PPM1E: variants seen among roughly 807,000 people sequenced by gnomAD.
The protein encoded by PPM1E is protein phosphatase, Mg2+/Mn2+ dependent 1E, also known as protein phosphatase 1E.
PPM1E carries 20 observed loss-of-function variants against 65.9 expected under a neutral mutation model. The ratio of observed to expected loss-of-function variants is 0.30; its 90% confidence interval spans 0.21 to 0.44. The LOEUF is 0.44. Among genes scored for constraint, PPM1E ranks in the 20% least tolerant of loss-of-function variants. The probability of loss-of-function intolerance (pLI) is 1.00; values close to 1 mark genes in which losing one functional copy is unlikely to be tolerated. For synonymous variants in PPM1E, 352 were observed against 374.9 expected (o/e 0.94, Z 0.70); for missense variants, 713 against 953.1 (o/e 0.75, Z 3.32).
At chr17:58,765,570 A>G (rs778014089) in intron 1 of PPM1E, among the ~76,000 whole-genome samples, 13 of 152,252 alleles carry the variant, frequency 8.5e-5, no homozygotes, top group Non-Finnish European at 1.8e-4. Flanking sequence ...ATGAAGAGTA[A>G]TGAACTGTTT....
chr17:58,778,186 G>T (rs185208510), intron 1 of PPM1E, among the ~76,000 whole-genome samples: 1 of 151,772 alleles, frequency 6.6e-6, no homozygotes, highest in African/African-American at 2.4e-5. Flanking sequence ...TGCAAACTCC[G>T]CCTGGCAGGT....
chr17:58,773,814 G>A (rs530423493), intron 1 of PPM1E, among the ~76,000 whole-genome samples: 11 of 152,172 alleles, frequency 7.2e-5, no homozygotes, highest in African/African-American at 2.4e-4. Context: ...GCTCCTGCCC[G>A]CGCCTACTGA....
At chr17:58,945,269 C>T (rs980546099) in intron 1 of PPM1E, among the ~76,000 whole-genome samples, 2 of 151,936 alleles carry the variant, frequency 1.3e-5, no homozygotes, top group East Asian at 1.9e-4. Flanking sequence ...CTCAGCCTCC[C>T]GAGTAGCTGG....
At chr17:58,849,754 T>C (rs2050806713) in intron 1 of PPM1E, among the ~76,000 whole-genome samples, 1 of 152,182 alleles carries the variant, frequency 6.6e-6, no homozygotes, top group Non-Finnish European at 1.5e-5. Context: ...TTCTGTTGAT[T>C]TGGGGTGGAG....
intron 1 of PPM1E, among the ~76,000 whole-genome samples, chr17:58,893,877 C>A (rs2051378728): frequency 6.6e-6 from 1 of 152,050 alleles, no homozygotes; most frequent in Non-Finnish European, 1.5e-5. Flanking sequence ...TCAAGACCAG[C>A]TTGGGCAACA....
chr17:58,968,165 G>A lies in PPM1E; in HGVS notation c.784-1374G>A, dbSNP rs1317178234. On this transcript the variant is annotated intron_variant, in intron 3 of 6. Coordinates refer to ENST00000308249, the MANE Select transcript of PPM1E (RefSeq NM_014906.5). ...GTCATTAAAGTTGCTGAAAGAACTA[G>A]TTGTAATGTGTGTGTTAGACAAAGG... 2.0e-5 allele frequency among the ~76,000 whole-genome samples: 3 copies of A among 152,300 alleles called. No homozygotes were observed. In the East Asian group the frequency reaches 5.8e-4, roughly 29 times the overall value.
intron 1 of PPM1E, among the ~76,000 whole-genome samples, chr17:58,882,184 A>AG (rs2051203298): frequency 6.6e-6 from 1 of 152,022 alleles, no homozygotes. Context: ...AGCAAAAAAA[A>AG]GAAAAGAAAG....
At position 58,756,128 on chromosome 17, in the gene PPM1E, A is replaced by AACCC. The variant is rs3834568; in HGVS notation, c.131_132insACCC (p.Ser45ProfsTer9). The AACCC allele has an allele frequency of 1.2e-5, 19 of 1,608,472 alleles. No individual in the cohort carries two copies. The African/African-American group carries it at 2.3e-4, about 19-fold the overall frequency. ...GAACCCGAACCCGAACCCGAACCCGAGTCCGAGCCCGAGCCCGAACCTGAA... is the reference window on the plus strand; with the variant it reads ...GAACCCGAACCCGAACCCGAACCCGAACCCGTCCGAGCCCGAGCCCGAACCTGAA... On this transcript the variant is annotated frameshift_variant, in exon 1 of 7. Transcript: ENST00000308249. LOFTEE classifies it high-confidence loss of function.
At chr17:58,873,520 AAGAC>A (rs2051093942) in intron 1 of PPM1E, among the ~76,000 whole-genome samples, 2 of 151,572 alleles carry the variant, frequency 1.3e-5, no homozygotes, top group East Asian at 3.9e-4. Context: ...TAGAGGTAGC[AAGAC>A]TGAAACTTGA....
intron 1 of PPM1E, among the ~76,000 whole-genome samples, chr17:58,884,313 T>G (rs1445552956): frequency 6.6e-6 from 1 of 152,174 alleles, no homozygotes; most frequent in East Asian, 1.9e-4. Context: ...TTTAGAAAAT[T>G]CTGTGGTATA....
intron 1 of PPM1E, among the ~76,000 whole-genome samples, chr17:58,932,002 G>A (rs760989562): frequency 6.6e-6 from 1 of 152,186 alleles, no homozygotes; most frequent in Non-Finnish European, 1.5e-5. Flanking sequence ...AGGGCTGGGT[G>A]TGGTAGCTCA....
chr17:58,834,929 T>C (rs2050639380), intron 1 of PPM1E, among the ~76,000 whole-genome samples: 1 of 152,172 alleles, frequency 6.6e-6, no homozygotes, highest in African/African-American at 2.4e-5. Context: ...CTGTTAGGAT[T>C]TTTATAGGAA....
chr17:58,929,839 C>A (rs770873440), intron 1 of PPM1E, among the ~76,000 whole-genome samples: 2 of 152,148 alleles, frequency 1.3e-5, no homozygotes, highest in Non-Finnish European at 2.9e-5. Flanking sequence ...AATAGAGATA[C>A]AACTGGGTTT....
intron 1 of PPM1E, among the ~76,000 whole-genome samples, chr17:58,928,507 T>C (rs1380433569): frequency 6.6e-6 from 1 of 151,844 alleles, no homozygotes; most frequent in East Asian, 2.0e-4. Flanking sequence ...CACCAAATAC[T>C]GGTGAAGATG....
At position 58,898,690 on chromosome 17, in the gene PPM1E, C is replaced by A. The variant is rs149082388; in HGVS notation, c.465-56959C>A. 6.5e-3 allele frequency among the ~76,000 whole-genome samples: 984 copies of A among 152,240 alleles called. 6 individuals carry two copies. Among genetic ancestry groups the A allele is most frequent in the African/African-American group, 0.022 (923 of 41,534 alleles). ...ACCCAAAGGATTATAAATCATACTA[C>A]TATAAAGACACATGCACACATATGT... is the stretch of plus-strand genomic sequence containing the variant. On this transcript the variant is annotated intron_variant, in intron 1 of 6. Coordinates refer to ENST00000308249, the MANE Select transcript of PPM1E (RefSeq NM_014906.5).
intron 1 of PPM1E, among the ~76,000 whole-genome samples, chr17:58,867,193 C>T (rs910327483): frequency 4.6e-5 from 7 of 152,056 alleles, no homozygotes; most frequent in Admixed American, 1.3e-4. Flanking sequence ...GTTGGTCAGG[C>T]GGTCTCGAAC....
intron 1 of PPM1E, among the ~76,000 whole-genome samples, chr17:58,821,356 C>T (rs765576171): frequency 6.6e-6 from 1 of 152,136 alleles, no homozygotes; most frequent in Non-Finnish European, 1.5e-5. Context: ...CTGATCCGCC[C>T]GTCTCGGCCT....
intron 1 of PPM1E, among the ~76,000 whole-genome samples, chr17:58,764,830 G>C (rs1190433593): frequency 1.3e-5 from 2 of 152,074 alleles, no homozygotes; most frequent in Non-Finnish European, 2.9e-5. Flanking sequence ...CTGGCCTCAA[G>C]TAATCCATCC....
Position 58,980,600 on chromosome 17 carries a change from G to C in PPM1E, c.1837G>C (p.Val613Leu), listed in dbSNP as rs745964136. Residue 613 changes from valine (V) to leucine (L), a missense_variant, in exon 7 of 7, where the codon GTT becomes CTT. Around this residue, in one of 6 missense-constraint regions of PPM1E, gnomAD observed 286 missense variants for 313.8 expected, o/e 0.91. Coordinates refer to ENST00000308249, the MANE Select transcript of PPM1E (RefSeq NM_014906.5). The surrounding 1 kb of genome is among the most constrained non-coding windows in gnomAD (Gnocchi z 4.7). ...TGAGTTAATGATGGAGAAAAAATCA[G>C]TTCAGTCATCATTGCCTGAATGGAG... Reference protein sequence around the residue: ...INELMMEKKSVQSSLPEWSGA... With the variant: ...INELMMEKKSLQSSLPEWSGA... The C allele has an allele frequency of 1.2e-5, 19 of 1,614,184 alleles. 1 individual carries two copies. The South Asian group carries it at 2.1e-4, about 18-fold the overall frequency.
Sources: allele counts gnomAD v4.1 joint callset (sites outside exome capture counted in the v4.1 genomes callset), GRCh38; gene constraint gnomAD v4.1.1; regional missense constraint gnomAD v4.1.1; non-coding constraint Gnocchi (gnomAD v3.1); transcripts MANE v1.5; gene names NCBI Gene and HGNC (gene_info 2026-07-23, HGNC 2026-07-21).